TUSC3: variants seen among roughly 807,000 people sequenced by gnomAD.
The protein encoded by TUSC3 is tumor suppressor candidate 3.
TUSC3 carries 45 observed loss-of-function variants against 44.8 expected under a neutral mutation model. That is an observed-to-expected ratio of 1.00 (90% confidence interval 0.79 to 1.29). The LOEUF (loss-of-function observed/expected upper bound fraction) is 1.29. Among genes scored for constraint, TUSC3 ranks in the 50% most tolerant of loss-of-function variants. The pLI is 0.00. For missense variants in TUSC3, 519 were observed against 437.9 expected (o/e 1.19, Z -1.65); for synonymous variants, 212 against 152.9 (o/e 1.39, Z -2.85).
chr8:15,489,962 T>C (rs1800785918), intron 2 of TUSC3, among the ~76,000 whole-genome samples: 1 of 152,200 alleles, frequency 6.6e-6, no homozygotes, highest in Admixed American at 6.5e-5. Context: ...GTTTTGTAAT[T>C]CTGTTGGTGC....
chr8:15,806,844 C>A, the TUSC3 span: 1 of 990,712 alleles, frequency 1.0e-6, no homozygotes, highest in South Asian at 1.3e-5. Flanking sequence ...AAGTAAACGT[C>A]TAGAGTCTTC....
intron 1 of TUSC3, among the ~76,000 whole-genome samples, chr8:15,604,848 T>A (rs1804450946): frequency 6.6e-6 from 1 of 151,890 alleles, no homozygotes; most frequent in Non-Finnish European, 1.5e-5. Flanking sequence ...CCAAACTTTA[T>A]CTTACAAGAC....
intron 1 of TUSC3, among the ~76,000 whole-genome samples, chr8:15,473,648 T>A (rs1462569051): frequency 6.6e-6 from 1 of 152,172 alleles, no homozygotes; most frequent in Admixed American, 6.5e-5. Flanking sequence ...AGGACCGTGC[T>A]ACCCACCTGA....
chr8:15,504,606 TA>T (rs1563268553), intron 2 of TUSC3, among the ~76,000 whole-genome samples: 629 of 35,296 alleles, frequency 0.018, 14 homozygotes, highest in African/African-American at 0.086. Flanking sequence ...TATATATATA[TA>T]TATATATATA....
intron 5 of TUSC3, among the ~76,000 whole-genome samples, chr8:15,667,979 C>A (rs1201348316): frequency 6.6e-6 from 1 of 151,666 alleles, no homozygotes; most frequent in African/African-American, 2.4e-5. Context: ...GTGTTCTCAG[C>A]TCACCACAGG....
At chr8:15,627,694 C>G (rs774526494) in intron 2 of TUSC3, among the ~76,000 whole-genome samples, 3 of 152,212 alleles carry the variant, frequency 2.0e-5, no homozygotes, top group Non-Finnish European at 2.9e-5. Context: ...GCCGGGGAAG[C>G]TGCTTGCAGT....
At chr8:15,829,707 G>A in the TUSC3 span, among the ~76,000 whole-genome samples, 1 of 151,868 alleles carries the variant, frequency 6.6e-6, no homozygotes, top group Non-Finnish European at 1.5e-5. Context: ...ATTTTCCAGT[G>A]AGTTTTTCTA....
At chr8:15,634,876 A>G (rs2129169348) in intron 2 of TUSC3, among the ~76,000 whole-genome samples, 1 of 152,298 alleles carries the variant, frequency 6.6e-6, no homozygotes, top group South Asian at 2.1e-4. Flanking sequence ...ATATAAGGGC[A>G]TTTCAATGAA....
At chr8:15,832,180 A>G in the TUSC3 span, among the ~76,000 whole-genome samples, 1 of 152,180 alleles carries the variant, frequency 6.6e-6, no homozygotes, top group African/African-American at 2.4e-5. Flanking sequence ...AAGAATTCAC[A>G]TCTGGCCAAA....
intron 10 of TUSC3, among the ~76,000 whole-genome samples, chr8:15,761,319 T>C (rs1812160243): frequency 6.6e-6 from 1 of 152,166 alleles, no homozygotes; most frequent in Non-Finnish European, 1.5e-5. Flanking sequence ...TTGAAGTTTC[T>C]TCTTTGTGTA....
At chr8:15,429,553 C>T (rs1430991154) in intron 1 of TUSC3, among the ~76,000 whole-genome samples, 1 of 137,676 alleles carries the variant, frequency 7.3e-6, no homozygotes. Context: ...CTATAAATTA[C>T]CTTGTGCAGT....
chr8:15,677,249 A>C lies in TUSC3; in HGVS notation c.798+3413A>C, dbSNP rs1433633438. Among the ~76,000 whole-genome samples the C allele has an allele frequency of 2.0e-5, 3 of 152,246 alleles. No individual in the cohort carries two copies. In the East Asian group the frequency reaches 5.8e-4, roughly 29 times the overall value. ...TCCTGGACTCAAGCAGCTCTCCTGC[A>C]TTGGCCTCCCTGAGTTCTCGGATTA... On this transcript the variant is annotated intron_variant, in intron 6 of 10. Coordinates refer to ENST00000503731, the MANE Select transcript of TUSC3 (RefSeq NM_006765.4).
intron 6 of TUSC3, among the ~76,000 whole-genome samples, chr8:15,704,670 C>G (rs58773574): frequency 1.5e-4 from 23 of 152,016 alleles, no homozygotes; most frequent in African/African-American, 5.5e-4. Flanking sequence ...CTTTCCTAAC[C>G]CACTGCCCCT....
chr8:15,562,573 TAGG>T (rs1383306704), intron 1 of TUSC3, among the ~76,000 whole-genome samples: 1 of 152,196 alleles, frequency 6.6e-6, no homozygotes, highest in Admixed American at 6.5e-5. Context: ...TTAAGGGTCT[TAGG>T]AGGCCAAAAT....
In TUSC3 at chr8:15,748,365, C is replaced by G. The variant is rs763909401; in HGVS notation, c.938-10C>G. On this transcript the variant is annotated splice_polypyrimidine_tract_variant and intron_variant, in intron 8 of 10. Coordinates refer to ENST00000503731, the MANE Select transcript of TUSC3 (RefSeq NM_006765.4). ...TTTAGACACTAATGGTATTTTCTGT[C>G]TGTTTCTAGTAATTTGCCTAGTGGG... 245 of 1,604,494 alleles carry G rather than the reference C, an allele frequency of 1.5e-4. No individual in the cohort carries two copies. The highest frequency in any genetic ancestry group is 2.0e-4 in the Admixed American group (12 of 59,952).
chr8:15,572,251 A>G (rs1802906539), intron 1 of TUSC3, among the ~76,000 whole-genome samples: 1 of 152,194 alleles, frequency 6.6e-6, no homozygotes, highest in African/African-American at 2.4e-5. Context: ...CTTGCAGCAT[A>G]AACACTTGCT....
chr8:15,601,988 A>C (rs764966710), intron 1 of TUSC3, among the ~76,000 whole-genome samples: 3 of 151,556 alleles, frequency 2.0e-5, no homozygotes, highest in Non-Finnish European at 4.4e-5. Flanking sequence ...ATTTGTATCA[A>C]TTGAGCATCC....
the TUSC3 span, among the ~76,000 whole-genome samples, chr8:15,795,552 T>C: frequency 6.6e-6 from 1 of 152,258 alleles, no homozygotes; most frequent in Non-Finnish European, 1.5e-5. Flanking sequence ...ATCTTTGAGG[T>C]CATCTGTGAA....
At chr8:15,565,166 C>A (rs1563292371) in intron 1 of TUSC3, among the ~76,000 whole-genome samples, 5 of 141,652 alleles carry the variant, frequency 3.5e-5, no homozygotes. Flanking sequence ...TGAGGGGAGC[C>A]TTTTTTTTTT....
Sources: allele counts gnomAD v4.1 joint callset (sites outside exome capture counted in the v4.1 genomes callset), GRCh38; gene constraint gnomAD v4.1.1; transcripts MANE v1.5; gene names NCBI Gene and HGNC (gene_info 2026-07-23, HGNC 2026-07-21).